The following MSH5 variants were observed in gnomAD, a reference collection of about 807,000 sequenced individuals.
MSH5 encodes the protein mutS protein homolog 5.
A neutral mutation model predicts 107.7 loss-of-function variants in MSH5; 78 were observed. The ratio of observed to expected loss-of-function variants is 0.72; its 90% confidence interval spans 0.60 to 0.87. The LOEUF is 0.87. Among genes scored for constraint, MSH5 ranks in the 40% least tolerant of loss-of-function variants. The probability of loss-of-function intolerance (pLI) is 0.00; values close to 1 mark genes in which losing one functional copy is unlikely to be tolerated. For synonymous variants in MSH5, 326 were observed against 399.5 expected (o/e 0.82, Z 2.19); for missense variants, 889 against 1,046.6 (o/e 0.85, Z 2.08).
chr6:31,746,086 G>GTGTGTGTGTGTA (rs1809429786), intron 9 of MSH5: 1 of 148,108 alleles, frequency 6.8e-6, no homozygotes, highest in Non-Finnish European at 1.5e-5. Flanking sequence ...AGTTTTGTGT[G>GTGTGTGTGTGTA]TGTGTGTGTG....
chr6:31,759,201 G>A lies in MSH5; in HGVS notation c.1407+24G>A. ...TGGTAAGACCCTCAACCTCTGTAAG[G>A]TGAGTGATGAGGAAAATGAGTCAGC... is the stretch of plus-strand genomic sequence containing the variant. On this transcript the variant is annotated intron_variant, in intron 16 of 24. Coordinates refer to ENST00000375750, the MANE Select transcript of MSH5 (RefSeq NM_172166.4). The surrounding 1 kb of genome is among the most constrained non-coding windows in gnomAD (Gnocchi z 4.7). 6.2e-7 allele frequency: 1 copy of A among 1,602,440 alleles called. No homozygotes were observed. Among genetic ancestry groups the A allele is most frequent in the Non-Finnish European group, 8.5e-7 (1 of 1,170,736 alleles).
chr6:31,743,299 C>G lies in MSH5; in HGVS notation c.415+129C>G, dbSNP rs1809086522. On this transcript the variant is annotated intron_variant, in intron 5 of 24. Transcript: ENST00000375750. ...CCTAAACCTTTGTGCTCCTCATGCC[C>G]TATGACCTGTCCCCCCAAGATCTCT... 4 of 932,500 alleles carry G rather than the reference C, an allele frequency of 4.3e-6. No homozygotes were observed. In the Admixed American group the frequency reaches 7.8e-5, roughly 18 times the overall value. 57.8% of individuals were successfully genotyped at this position (932,500 alleles called of 1,614,324 possible).
Position 31,760,896 on chromosome 6 carries a change from CT to C in MSH5, c.1962+58del, listed in dbSNP as rs1462406335. 6.4e-7 allele frequency: 1 copy of C among 1,562,072 alleles called. No homozygotes were observed. Among genetic ancestry groups the C allele is most frequent in the Non-Finnish European group, 8.7e-7 (1 of 1,149,480 alleles). On this transcript the variant is annotated intron_variant, in intron 20 of 24. Transcript: ENST00000375750. This position sits in a 1 kb window ranked among gnomAD's most constrained non-coding sequence, Gnocchi z 5.6. ...GAAGGGGATAATGGGAAAGGAACCCCTGAAAATGCTCATAACAGGAAAGCAT... is the reference window on the plus strand; with the variant it reads ...GAAGGGGATAATGGGAAAGGAACCCCGAAAATGCTCATAACAGGAAAGCAT...
rs992495220 is a variant in MSH5 at position 31,752,290 on chromosome 6, T to G, written c.813-1011T>G. On this transcript the variant is annotated intron_variant, in intron 10 of 24. Transcript: ENST00000375750. ...CCCGTCTCTACTAAAAATACAAAAA[T>G]TAGCTGAGCACAGTGGCGGGTGCCT... 1.3e-3 allele frequency among the ~76,000 whole-genome samples: 201 copies of G among 150,274 alleles called. 2 individuals are homozygous for G. Among genetic ancestry groups the G allele is most frequent in the Admixed American group, 1.0e-3 (15 of 15,050 alleles).
rs1810880686 is a variant in MSH5 at position 31,760,368 on chromosome 6, C to T, written c.1812+152C>T. 8.6e-7 allele frequency: 1 copy of T among 1,162,610 alleles called. No individual in the cohort carries two copies. Among genetic ancestry groups the T allele is most frequent in the Non-Finnish European group, 1.2e-6 (1 of 840,586 alleles). The allele number at this position is 1,162,610 out of a possible 1,614,324, so 72.0% of individuals were successfully genotyped here. The stretch of plus-strand genomic sequence containing the variant: ...ATCACCCACATCCCTGTGCTTCCAC[C>T]TCACATGTTCTTATTCTCCACTGGA... On this transcript the variant is annotated intron_variant, in intron 19 of 24. Transcript: ENST00000375750. The surrounding 1 kb of genome is among the most constrained non-coding windows in gnomAD (Gnocchi z 5.6).
chr6:31,753,507 C>T, intron 11 of MSH5, 60 bp from the exon 12 acceptor site: 1 of 1,613,558 alleles, frequency 6.2e-7, no homozygotes, highest in Non-Finnish European at 8.5e-7. Context: ...CAGTGGGCTT[C>T]TTGAGGGGCA....
Position 31,758,442 on chromosome 6 carries a change from G to A in MSH5, c.1144-106G>A. 1 of 1,553,186 alleles carries A rather than the reference G, an allele frequency of 6.4e-7. No individual in the cohort carries two copies. The highest frequency in any genetic ancestry group is 8.8e-7 in the Non-Finnish European group (1 of 1,130,060). On this transcript the variant is annotated intron_variant, in intron 13 of 24. Transcript: ENST00000375750. This position sits in a 1 kb window ranked among gnomAD's most constrained non-coding sequence, Gnocchi z 5.1. ...CAGCAGAACTTCAGGGAAGTATCTGGAGGGTGAGAGTTAAAGGAGGACTGC... is the reference window on the plus strand; with the variant it reads ...CAGCAGAACTTCAGGGAAGTATCTGAAGGGTGAGAGTTAAAGGAGGACTGC...
At chr6:31,746,632 G>T (rs1438450531) in intron 9 of MSH5, among the ~76,000 whole-genome samples, 1 of 151,400 alleles carries the variant, frequency 6.6e-6, no homozygotes, top group Non-Finnish European at 1.5e-5. Context: ...TGTATTTTTA[G>T]TAGAGATGGT....
intron 10 of MSH5, 99 bp downstream of exon 10, chr6:31,747,531 ACCACC>A: frequency 8.2e-7 from 1 of 1,220,942 alleles, no homozygotes; most frequent in Non-Finnish European, 1.2e-6. Context: ...TCTCACATAC[ACCACC>A]CCACCTAGTA....
At position 31,740,551 on chromosome 6, in the gene MSH5, C is replaced by G; in HGVS notation, c.85C>G (p.Pro29Ala). The change falls in exon 2 of 25, where the codon CCA becomes GCA. Residue 29 changes from proline (P) to alanine (A), a missense_variant. Pro to Ala is a conservative substitution (Grantham distance 27). Transcript: ENST00000375750. This position sits in a 1 kb window ranked among gnomAD's most constrained non-coding sequence, Gnocchi z 4.4. The stretch of plus-strand genomic sequence containing the variant: ...CTCCTCCGGCTTCCCCAGCCCGGCC[C>G]CAGTGCCGGGCCCCAGGGAGGCCGA... ...AASSGFPSPA[P>A]VPGPREAEEE... The G allele has an allele frequency of 6.6e-7, 1 of 1,526,236 alleles. No homozygotes were observed. The highest frequency in any genetic ancestry group is 2.6e-5 in the East Asian group (1 of 39,150). 94.5% of individuals were successfully genotyped at this position (1,526,236 alleles called of 1,614,324 possible).
In MSH5 at chr6:31,761,449, G is replaced by T. The variant is rs1810984658; in HGVS notation, c.2038-23G>T. 6.2e-7 allele frequency: 1 copy of T among 1,612,176 alleles called. No individual in the cohort carries two copies. Among genetic ancestry groups the T allele is most frequent in the Non-Finnish European group, 8.5e-7 (1 of 1,179,924 alleles). On this transcript the variant is annotated intron_variant, in intron 21 of 24. Coordinates refer to ENST00000375750, the MANE Select transcript of MSH5 (RefSeq NM_172166.4). The surrounding 1 kb of genome is among the most constrained non-coding windows in gnomAD (Gnocchi z 5.3). The stretch of plus-strand genomic sequence containing the variant: ...ATATGGGGTCCCCATGGCTCCGAAT[G>T]CTAACCTCTGCCCTCTTTGCAGGTG...
At chr6:31,755,525 G>A (rs753425680) in intron 12 of MSH5, among the ~76,000 whole-genome samples, 3 of 152,012 alleles carry the variant, frequency 2.0e-5, no homozygotes, top group African/African-American at 7.3e-5. Flanking sequence ...ACCACGCCCA[G>A]CTAATTTTGT....
chr6:31,758,081 T>G lies in MSH5; in HGVS notation c.1015-84T>G, dbSNP rs764213681. On this transcript the variant is annotated intron_variant, in intron 12 of 24. Coordinates refer to ENST00000375750, the MANE Select transcript of MSH5 (RefSeq NM_172166.4). This position sits in a 1 kb window ranked among gnomAD's most constrained non-coding sequence, Gnocchi z 5.1. ...TTGTTACTGTGATCTTCCCTACTGGTCTTTGTTCTTCTGAGTCTGTCCCTA... is the reference window on the plus strand; with the variant it reads ...TTGTTACTGTGATCTTCCCTACTGGGCTTTGTTCTTCTGAGTCTGTCCCTA... 5 of 1,544,336 alleles carry G rather than the reference T, an allele frequency of 3.2e-6. No homozygotes were observed. In the African/African-American group the frequency reaches 6.8e-5, roughly 21 times the overall value.
Position 31,740,389 on chromosome 6 carries a change from C to T in MSH5, c.-13-65C>T. The T allele has an allele frequency of 1.3e-6, 2 of 1,506,092 alleles. No homozygotes were observed. Among genetic ancestry groups the T allele is most frequent in the South Asian group, 1.2e-5 (1 of 80,440 alleles). 93.3% of individuals were successfully genotyped at this position (1,506,092 alleles called of 1,614,324 possible). ...ACTTAGTGCTTTGCATTCTGCGCGC[C>T]ACCCTACCCCGGCCTCCTCTGTGAA... is the stretch of plus-strand genomic sequence containing the variant. On this transcript the variant is annotated intron_variant, in intron 1 of 24. Coordinates refer to ENST00000375750, the MANE Select transcript of MSH5 (RefSeq NM_172166.4). The surrounding 1 kb of genome is among the most constrained non-coding windows in gnomAD (Gnocchi z 4.4).
intron 10 of MSH5, among the ~76,000 whole-genome samples, chr6:31,752,750 T>C (rs2151360331): frequency 6.6e-6 from 1 of 151,660 alleles, no homozygotes; most frequent in East Asian, 1.9e-4. Flanking sequence ...GAATAAGACG[T>C]TGTTGAAGCC....
At position 31,758,618 on chromosome 6, in the gene MSH5, A is replaced by T; in HGVS notation, c.1214A>T (p.Glu405Val). The change falls in exon 14 of 25, where the codon GAG becomes GTG. Residue 405 changes from glutamate (E) to valine (V), a missense_variant and splice_region_variant. Glu to Val is a moderately radical substitution (Grantham distance 121, BLOSUM62 -2). Around this residue, in one of 3 missense-constraint regions of MSH5, gnomAD observed 518 missense variants for 565.0 expected, o/e 0.92. Coordinates refer to ENST00000375750, the MANE Select transcript of MSH5 (RefSeq NM_172166.4). This position sits in a 1 kb window ranked among gnomAD's most constrained non-coding sequence, Gnocchi z 5.1. ...CCCAACATAGATCCTGAAATTGATG[A>T]GAGTGAGTGTTGGGTGTGGATGGGC... ...VLPNIDPEIDEKKRRLMGLPS... is the reference protein window; with the variant it reads ...VLPNIDPEIDVKKRRLMGLPS... The T allele has an allele frequency of 6.2e-7, 1 of 1,614,028 alleles. No homozygotes were observed. The highest frequency in any genetic ancestry group is 8.5e-7 in the Non-Finnish European group (1 of 1,180,024).
At chr6:31,753,659 TC>T in intron 12 of MSH5, 30 bp downstream of exon 12, 2 of 1,610,374 alleles carry the variant, frequency 1.2e-6, no homozygotes, top group Non-Finnish European at 1.7e-6. Context: ...ATCCCAAAAG[TC>T]CAGGTAAAGG....
rs141863919 is a variant in MSH5 at position 31,743,924 on chromosome 6, C to T, written c.436C>T (p.Arg146Cys). 126 of 1,613,246 alleles carry T rather than the reference C, an allele frequency of 7.8e-5. No homozygotes were observed. Among genetic ancestry groups the T allele is most frequent in the Middle Eastern group, 3.3e-4 (2 of 6,084 alleles). The stretch of plus-strand genomic sequence containing the variant: ...AATAGGTCTGGAGATAAGCAAACAA[C>T]GCCTCCTTTCTGGAAACTACTCCTT... ...VDFGLEISKQ[R>C]LLSGNYSFIP... The change falls in exon 6 of 25, where the codon CGC (arginine) becomes TGC (cysteine). Residue 146 changes from arginine (R) to cysteine (C), a missense_variant. Arg to Cys is a radical substitution (Grantham distance 180, BLOSUM62 -3). Around this residue, in one of 3 missense-constraint regions of MSH5, gnomAD observed 518 missense variants for 565.0 expected, o/e 0.92. Transcript: ENST00000375750.
At chr6:31,749,073 G>A (rs1419487909) in intron 10 of MSH5, among the ~76,000 whole-genome samples, 3 of 151,882 alleles carry the variant, frequency 2.0e-5, no homozygotes. Context: ...CCACCACCAT[G>A]CCTGGCTAAT....
Sources: gnomAD v4.1 joint callset for allele counts (sites outside exome capture counted in the v4.1 genomes callset) on GRCh38, gnomAD v4.1.1 for gene constraint, gnomAD v4.1.1 regional missense constraint, Gnocchi (gnomAD v3.1) non-coding constraint, MANE v1.5 for transcripts, NCBI Gene and HGNC (gene_info 2026-07-23, HGNC 2026-07-21) for gene names.